Variants in SH3RF3 observed in about 807,000 individuals in gnomAD.
The protein encoded by SH3RF3 is E3 ubiquitin-protein ligase SH3RF3.
In SH3RF3, 29 loss-of-function variants were observed where a neutral mutation model predicts 66.3. The ratio of observed to expected loss-of-function variants is 0.44; its 90% CI spans 0.33 to 0.60. SH3RF3 has a LOEUF of 0.60. Among genes scored for constraint, SH3RF3 ranks in the 20% least tolerant of loss-of-function variants. The probability of loss-of-function intolerance (pLI) is 0.04; values close to 1 mark genes in which losing one functional copy is unlikely to be tolerated. For synonymous variants in SH3RF3, 583 were observed against 532.0 expected (o/e 1.10, Z -1.32); for missense variants, 1,194 against 1,190.9 (o/e 1.00, Z -0.04).
chr2:109,401,057 G>A (rs1157862740), intron 4 of SH3RF3, among the ~76,000 whole-genome samples: 1 of 152,214 alleles, frequency 6.6e-6, no homozygotes, highest in Non-Finnish European at 1.5e-5. Flanking sequence ...TGCACATCTG[G>A]GGGGTAAAGC....
At chr2:109,448,256 T>C (rs964113835) in intron 7 of SH3RF3, among the ~76,000 whole-genome samples, 10 of 152,192 alleles carry the variant, frequency 6.6e-5, no homozygotes, top group Non-Finnish European at 7.4e-5. Context: ...TTTACAACCA[T>C]ATTTCAAAAC....
intron 8 of SH3RF3, among the ~76,000 whole-genome samples, chr2:109,475,027 G>T (rs1678646916): frequency 1.3e-5 from 2 of 152,174 alleles, no homozygotes; most frequent in African/African-American, 4.8e-5. Context: ...CACCAGGCTG[G>T]AGTGCAGTGG....
chr2:109,162,295 TG>T (rs1677507255), intron 1 of SH3RF3, among the ~76,000 whole-genome samples: 1 of 152,218 alleles, frequency 6.6e-6, no homozygotes, highest in Non-Finnish European at 1.5e-5. Flanking sequence ...TAAAAGGCGC[TG>T]GTGTAAATAC....
intron 3 of SH3RF3, among the ~76,000 whole-genome samples, chr2:109,387,941 T>C (rs1675870065): frequency 6.6e-6 from 1 of 151,796 alleles, no homozygotes; most frequent in Non-Finnish European, 1.5e-5. Flanking sequence ...CTGGCCCAGA[T>C]TCCCAACCAT....
rs551922181 is a variant in SH3RF3, at chr2:109,405,720, C to G, written c.1299+6777C>G. Among the ~76,000 whole-genome samples the G allele has an allele frequency of 5.1e-4, 77 of 152,354 alleles. 1 individual carries two copies. The highest frequency in any genetic ancestry group is 1.8e-3 in the African/African-American group (76 of 41,584). On this transcript the variant is annotated intron_variant, in intron 4 of 9. Coordinates refer to ENST00000309415, the MANE Select transcript of SH3RF3 (RefSeq NM_001099289.3). ...ATGGCCCCATGTCACCTTTCCACCA[C>G]CAAATCAATTCCCCCACTGTCTCTT... is the stretch of plus-strand genomic sequence containing the variant.
chr2:109,428,544 G>T (rs148054355), intron 5 of SH3RF3, among the ~76,000 whole-genome samples: 93 of 152,328 alleles, frequency 6.1e-4, no homozygotes, highest in African/African-American at 2.2e-3. Flanking sequence ...CACACCTGCC[G>T]CGGCCACTTC....
intron 2 of SH3RF3, among the ~76,000 whole-genome samples, chr2:109,352,523 G>T (rs1001963235): frequency 1.3e-5 from 2 of 152,198 alleles, no homozygotes; most frequent in Admixed American, 6.5e-5. Flanking sequence ...GAATTGGGAT[G>T]ACTTTGGGGG....
At chr2:109,484,551 C>T (rs1678919908) in intron 8 of SH3RF3, among the ~76,000 whole-genome samples, 1 of 152,216 alleles carries the variant, frequency 6.6e-6, no homozygotes, top group Non-Finnish European at 1.5e-5. Flanking sequence ...CCCGCCCCCT[C>T]CTGTGGAGTT....
At chr2:109,235,036 A>G (rs935569792) in intron 1 of SH3RF3, among the ~76,000 whole-genome samples, 1 of 152,190 alleles carries the variant, frequency 6.6e-6, no homozygotes, top group African/African-American at 2.4e-5. Flanking sequence ...TGGTCCCTTC[A>G]GCCCAGTAGG....
Position 109,156,797 on chromosome 2 carries a change from C to T in SH3RF3, c.573+26684C>T, listed in dbSNP as rs548191908. Among the ~76,000 whole-genome samples, 9 of 152,216 alleles carry T rather than the reference C, an allele frequency of 5.9e-5. No individual in the cohort carries two copies. The South Asian group carries it at 8.3e-4, about 14-fold the overall frequency. On this transcript the variant is annotated intron_variant, in intron 1 of 9. Transcript: ENST00000309415. ...GAAGGGTTGTTGTAGGAGATAGAAACGTAGGCTCTCTGCTGACCTGATTGC... is the reference window on the plus strand; with the variant it reads ...GAAGGGTTGTTGTAGGAGATAGAAATGTAGGCTCTCTGCTGACCTGATTGC...
Position 109,455,260 on chromosome 2 carries a change from G to A in SH3RF3, c.2148+5771G>A, listed in dbSNP as rs568078069. Among the ~76,000 whole-genome samples, 12 of 152,242 alleles carry A rather than the reference G, an allele frequency of 7.9e-5. No homozygotes were observed. The East Asian group carries it at 1.5e-3, about 20-fold the overall frequency. On this transcript the variant is annotated intron_variant, in intron 8 of 9. Transcript: ENST00000309415. ...GCAGGAGACCATGAGGCTGGCCTTG[G>A]GGGGAGAAAGGGCCCTAGGTGTCTG...
At chr2:109,476,378 C>A (rs1464138814) in intron 8 of SH3RF3, among the ~76,000 whole-genome samples, 1 of 152,110 alleles carries the variant, frequency 6.6e-6, no homozygotes, top group Non-Finnish European at 1.5e-5. Flanking sequence ...CTGGGTAGCC[C>A]CTGGGTGAGG....
At chr2:109,196,321 G>T (rs1176040920) in intron 1 of SH3RF3, among the ~76,000 whole-genome samples, 4 of 152,178 alleles carry the variant, frequency 2.6e-5, no homozygotes, top group Non-Finnish European at 5.9e-5. Flanking sequence ...AGCTCCCCTG[G>T]CCCCAAGGCC....
intron 1 of SH3RF3, among the ~76,000 whole-genome samples, chr2:109,137,036 C>T (rs1676831522): frequency 6.6e-6 from 1 of 152,184 alleles, no homozygotes. Context: ...ACTGGGGGCT[C>T]CAGGGACAGC....
intron 1 of SH3RF3, among the ~76,000 whole-genome samples, chr2:109,202,107 G>A (rs76120846): frequency 6.6e-6 from 1 of 152,260 alleles, no homozygotes; most frequent in Non-Finnish European, 1.5e-5. Flanking sequence ...AGGCGATCTC[G>A]GCCACTTTCT....
At chr2:109,141,335 T>A (rs1676943594) in intron 1 of SH3RF3, among the ~76,000 whole-genome samples, 1 of 152,168 alleles carries the variant, frequency 6.6e-6, no homozygotes, top group Non-Finnish European at 1.5e-5. Flanking sequence ...GGAGGCAGCC[T>A]CTCGTCTCTG....
chr2:109,157,393 T>G (rs775448601), intron 1 of SH3RF3, among the ~76,000 whole-genome samples: 6 of 152,220 alleles, frequency 3.9e-5, no homozygotes, highest in Non-Finnish European at 7.3e-5. Context: ...TCCATAAAAA[T>G]CATTTAAAAA....
At chr2:109,414,192 C>T (rs762200104) in intron 4 of SH3RF3, among the ~76,000 whole-genome samples, 7 of 152,182 alleles carry the variant, frequency 4.6e-5, no homozygotes, top group Non-Finnish European at 5.9e-5. Context: ...GCCACTGCAC[C>T]GTCTACCCTG....
At chr2:109,283,308 C>T (rs114014318) in intron 1 of SH3RF3, among the ~76,000 whole-genome samples, 1,666 of 152,318 alleles carry the variant, frequency 0.011, 45 homozygotes, top group African/African-American at 0.038. Context: ...ACTTGTGGGC[C>T]TGCTGGACAC....
Sources: allele counts gnomAD v4.1 joint callset (sites outside exome capture counted in the v4.1 genomes callset), GRCh38; gene constraint gnomAD v4.1.1; transcripts MANE v1.5; gene names NCBI Gene and HGNC (gene_info 2026-07-23, HGNC 2026-07-21).